The following MGME1 variants were observed in gnomAD, a reference collection of about 807,000 sequenced individuals.
MGME1 encodes the protein mitochondrial genome maintenance exonuclease 1.
A neutral mutation model predicts 33.0 loss-of-function variants in MGME1; 22 were observed. That is an observed-to-expected ratio of 0.67 (90% CI 0.48 to 0.95). The LOEUF (loss-of-function observed/expected upper bound fraction) is 0.95. Among genes scored for constraint, MGME1 ranks in the 40% least tolerant of loss-of-function variants. The pLI is 0.00. For synonymous variants in MGME1, 133 were observed against 144.0 expected, an observed-to-expected ratio of 0.92 and a Z score of 0.55; for missense variants, 383 against 397.8, an observed-to-expected ratio of 0.96 and a Z score of 0.32.
At position 17,990,366 on chromosome 20, in the gene MGME1, A is replaced by G. The variant is rs2036266525; in HGVS notation, c.*257A>G. On this transcript the variant is annotated 3_prime_UTR_variant, in exon 5 of 5. Coordinates refer to ENST00000377710, the MANE Select transcript of MGME1 (RefSeq NM_052865.4). Reference sequence around the variant, plus strand: ...TTTACCTGAAAGGAGGACACGCAGGATGGGCAGTCATGCTGGTGACTCTTG... The same window carrying G: ...TTTACCTGAAAGGAGGACACGCAGGGTGGGCAGTCATGCTGGTGACTCTTG... 3.1e-6 allele frequency: 1 copy of G among 318,656 alleles called. No individual in the cohort carries two copies. The highest frequency in any genetic ancestry group is 5.9e-6 in the Non-Finnish European group (1 of 170,662). 19.7% of individuals were successfully genotyped at this position (318,656 alleles called of 1,614,324 possible).
At chr20:17,982,336 T>A (rs1335641234) in intron 3 of MGME1, among the ~76,000 whole-genome samples, 1 of 152,002 alleles carries the variant, frequency 6.6e-6, no homozygotes, top group Admixed American at 6.6e-5. Context: ...GCCAGGTTGG[T>A]CTCGAACTCC....
intron 3 of MGME1, among the ~76,000 whole-genome samples, chr20:17,983,511 A>G (rs182342156): frequency 1.6e-3 from 250 of 152,270 alleles, no homozygotes; most frequent in African/African-American, 5.8e-3. Flanking sequence ...TAGTTTTCTG[A>G]GGAACCTCCA....
At chr20:17,968,694 G>A, upstream of MGME1, 1 of 555,192 alleles carries the variant, frequency 1.8e-6, no homozygotes, top group Non-Finnish European at 3.3e-6. Context: ...GCCACGTGGG[G>A]CCTACCCTTG....
At chr20:17,979,091 T>C (rs915405820) in intron 3 of MGME1, among the ~76,000 whole-genome samples, 1 of 151,910 alleles carries the variant, frequency 6.6e-6, no homozygotes, top group Non-Finnish European at 1.5e-5. Context: ...AATTTTTTTT[T>C]TTTAAGACAC....
chr20:17,989,901 C>G (rs2036249318), intron 4 of MGME1, 38 bp from the exon 5 acceptor site: 1 of 1,599,882 alleles, frequency 6.3e-7, no homozygotes, highest in South Asian at 1.1e-5. Flanking sequence ...TCTGGACCTA[C>G]TGTAGTGAAA....
chr20:17,983,104 C>A (rs1458250962), intron 3 of MGME1, among the ~76,000 whole-genome samples: 3 of 152,190 alleles, frequency 2.0e-5, no homozygotes, highest in African/African-American at 4.8e-5. Flanking sequence ...ATTCTACTCT[C>A]TCTCTTTCTG....
At chr20:17,985,331 G>A (rs1447308895) in intron 3 of MGME1, among the ~76,000 whole-genome samples, 7 of 152,274 alleles carry the variant, frequency 4.6e-5, no homozygotes, top group African/African-American at 1.7e-4. Flanking sequence ...GCTGAGGCAG[G>A]AGAATCGCTT....
intron 3 of MGME1, among the ~76,000 whole-genome samples, chr20:17,987,172 A>G (rs1045429362): frequency 3.3e-4 from 9 of 27,356 alleles, no homozygotes; most frequent in African/African-American, 1.0e-3. Context: ...ACTCCATCTA[A>G]AAAAAAAAAA....
rs760525956 is a variant in MGME1, at chr20:17,988,266, G to T, written c.832G>T (p.Ala278Ser). The T allele has an allele frequency of 6.2e-7, 1 of 1,614,028 alleles. No individual in the cohort carries two copies. The highest frequency in any genetic ancestry group is 8.5e-7 in the Non-Finnish European group (1 of 1,179,950). Reference sequence around the variant, plus strand: ...ACTGCAAGTTGTGGCATACATGGGTGCCATGAACCATGATACCAACTACAG... The same window carrying T: ...ACTGCAAGTTGTGGCATACATGGGTTCCATGAACCATGATACCAACTACAG... Reference protein sequence around the residue: ...NPLQVVAYMGAMNHDTNYSFQ... With the variant: ...NPLQVVAYMGSMNHDTNYSFQ... The change falls in exon 4 of 5, where the codon GCC (alanine) becomes TCC (serine). Residue 278 changes from alanine (A) to serine (S), a missense_variant. Coordinates refer to ENST00000377710, the MANE Select transcript of MGME1 (RefSeq NM_052865.4).
intron 3 of MGME1, among the ~76,000 whole-genome samples, chr20:17,980,065 G>C (rs1246782891): frequency 6.6e-6 from 1 of 151,766 alleles, no homozygotes. Context: ...TGCTGTTGTC[G>C]CCCAGGCTGG....
chr20:17,980,542 G>T (rs1568612550), intron 3 of MGME1, among the ~76,000 whole-genome samples: 1 of 151,418 alleles, frequency 6.6e-6, no homozygotes, highest in African/African-American at 2.4e-5. Flanking sequence ...GGGCGCAGTG[G>T]CTCACACCTG....
At chr20:17,971,553 A>G (rs1255592268) in intron 2 of MGME1, among the ~76,000 whole-genome samples, 4 of 152,220 alleles carry the variant, frequency 2.6e-5, no homozygotes, top group African/African-American at 9.7e-5. Context: ...TAAGAAATGT[A>G]TTATTAAAAG....
chr20:17,983,414 CATACTG>C (rs982569573), intron 3 of MGME1, among the ~76,000 whole-genome samples: 7 of 152,080 alleles, frequency 4.6e-5, no homozygotes, highest in Admixed American at 3.3e-4. Flanking sequence ...GTCTCTTCAA[CATACTG>C]ATTTTAATTC....
intron 3 of MGME1, among the ~76,000 whole-genome samples, chr20:17,979,587 T>G (rs989884784): frequency 3.9e-4 from 59 of 151,262 alleles, no homozygotes; most frequent in Non-Finnish European, 5.6e-4. Context: ...TTTTTTTTTT[T>G]TTGTATTTTT....
At chr20:17,980,933 CCT>C (rs1244629134) in intron 3 of MGME1, among the ~76,000 whole-genome samples, 1 of 151,460 alleles carries the variant, frequency 6.6e-6, no homozygotes. Flanking sequence ...CTTTTTTTTT[CCT>C]TATCCCTGTG....
intron 2 of MGME1, among the ~76,000 whole-genome samples, chr20:17,973,814 G>C (rs544818586): frequency 3.9e-5 from 6 of 152,260 alleles, no homozygotes; most frequent in Non-Finnish European, 7.4e-5. Context: ...ACAGATTCTG[G>C]TGCCAGGCTG....
intron 4 of MGME1, among the ~76,000 whole-genome samples, chr20:17,989,379 G>C (rs879710114): frequency 7.8e-6 from 1 of 128,792 alleles, no homozygotes; most frequent in Non-Finnish European, 1.6e-5. Context: ...GAGCAAGACT[G>C]TCTCTCTCCA....
In MGME1 at chr20:17,970,069, A is replaced by C; in HGVS notation, c.210A>C (p.Gly70=). 6.2e-7 allele frequency: 1 copy of C among 1,614,206 alleles called. No individual in the cohort carries two copies. The highest frequency in any genetic ancestry group is 8.5e-7 in the Non-Finnish European group (1 of 1,180,034). ...CCAGAGGCGTCGCCCAGACCCCGGG[A>C]TCGGTGGAGGAAGATGCTTTGCTCT... is the stretch of plus-strand genomic sequence containing the variant. ...LSSRGVAQTP[G]SVEEDALLCG... The change falls in exon 2 of 5, where the codon GGA becomes GGC. Residue 70 remains glycine, a synonymous_variant. Coordinates refer to ENST00000377710, the MANE Select transcript of MGME1 (RefSeq NM_052865.4).
intron 3 of MGME1, among the ~76,000 whole-genome samples, chr20:17,980,967 T>A (rs1013057038): frequency 6.6e-6 from 1 of 152,196 alleles, no homozygotes; most frequent in Non-Finnish European, 1.5e-5. Context: ...ATCTTTTTTT[T>A]AAAGAAATAT....
Sources: allele counts gnomAD v4.1 joint callset (sites outside exome capture counted in the v4.1 genomes callset), GRCh38; gene constraint gnomAD v4.1.1; transcripts MANE v1.5; gene names NCBI Gene and HGNC (gene_info 2026-07-23, HGNC 2026-07-21).